THSD7B: variants seen among roughly 807,000 people sequenced by gnomAD.
THSD7B encodes the protein thrombospondin type-1 domain-containing protein 7B.
A neutral mutation model predicts 213.6 loss-of-function variants in THSD7B; 138 were observed. The ratio of observed to expected loss-of-function variants is 0.65; its 90% CI spans 0.56 to 0.74. The LOEUF (loss-of-function observed/expected upper bound fraction) is 0.74, where lower values mean the gene tolerates loss of function less well. Ranked by LOEUF, THSD7B falls within the 30% of genes least tolerant of loss-of-function variation. The pLI is 0.00. For synonymous variants in THSD7B, 742 were observed against 687.0 expected, an observed-to-expected ratio of 1.08 and a Z score of -1.25; for missense variants, 1,931 against 1,991.5, an observed-to-expected ratio of 0.97 and a Z score of 0.58.
At chr2:137,134,281 A>G (rs1027730010) in intron 5 of THSD7B, among the ~76,000 whole-genome samples, 1 of 152,188 alleles carries the variant, frequency 6.6e-6, no homozygotes. Context: ...GCAAGTCAGC[A>G]TTCCTAACAC....
At position 137,136,233 on chromosome 2, in the gene THSD7B, G is replaced by A. The variant is rs1056744423; in HGVS notation, c.1369+20940G>A. ...TTGATGGGTGGAGCAAAACCACCAA[G>A]GCACATGTATGCCTGTGTAACAAAC... On this transcript the variant is annotated intron_variant, in intron 5 of 27. Coordinates refer to ENST00000409968, the MANE Select transcript of THSD7B (RefSeq NM_001316349.2). 2.6e-5 allele frequency among the ~76,000 whole-genome samples: 4 copies of A among 152,200 alleles called. No homozygotes were observed. The East Asian group carries it at 7.7e-4, about 29-fold the overall frequency.
chr2:137,650,500 G>A lies in THSD7B; in HGVS notation c.3946-5001G>A, dbSNP rs1015739326. ...TTTTTGGTAGAGCCTTTAGGTTTTT[G>A]TAAGTATAAGATCATATCATCTGCA... is the stretch of plus-strand genomic sequence containing the variant. On this transcript the variant is annotated intron_variant, in intron 21 of 27. Coordinates refer to ENST00000409968, the MANE Select transcript of THSD7B (RefSeq NM_001316349.2). Among the ~76,000 whole-genome samples the A allele has an allele frequency of 1.7e-4, 26 of 152,188 alleles. 1 individual carries two copies. The East Asian group carries it at 5.0e-3, about 29-fold the overall frequency.
At chr2:137,286,543 G>T (rs1213134016) in intron 12 of THSD7B, among the ~76,000 whole-genome samples, 2 of 152,124 alleles carry the variant, frequency 1.3e-5, no homozygotes, top group Non-Finnish European at 2.9e-5. Flanking sequence ...TAACGTTTGA[G>T]CTGCAGTTTT....
chr2:137,198,302 G>C (rs764156669), intron 7 of THSD7B, among the ~76,000 whole-genome samples: 3 of 151,974 alleles, frequency 2.0e-5, no homozygotes, highest in Non-Finnish European at 2.9e-5. Flanking sequence ...ACATGAGAGT[G>C]GTATTTTCTC....
intron 12 of THSD7B, among the ~76,000 whole-genome samples, chr2:137,326,632 C>T (rs1163450570): frequency 6.6e-6 from 1 of 152,162 alleles, no homozygotes; most frequent in African/African-American, 2.4e-5. Flanking sequence ...TACTGTCTTT[C>T]ATAGTAACAA....
At chr2:137,160,441 A>G in intron 6 of THSD7B, 73 bp downstream of exon 6, 1 of 1,547,172 alleles carries the variant, frequency 6.5e-7, no homozygotes, top group African/African-American at 1.4e-5. Flanking sequence ...TAAGTCACTG[A>G]TTAAGCCTGC....
intron 2 of THSD7B, among the ~76,000 whole-genome samples, chr2:137,008,347 A>T (rs10928584): frequency 0.33 from 50,208 of 151,944 alleles, 9,831 homozygotes; most frequent in African/African-American, 0.51. Flanking sequence ...TGAAAAAATT[A>T]AATAAAAATA....
chr2:137,527,306 T>A (rs529268850), intron 15 of THSD7B, among the ~76,000 whole-genome samples: 1 of 152,262 alleles, frequency 6.6e-6, no homozygotes, highest in Non-Finnish European at 1.5e-5. Context: ...TATATGTACA[T>A]ATGTGTGTGT....
intron 17 of THSD7B, among the ~76,000 whole-genome samples, chr2:137,586,731 G>T (rs1182184314): frequency 6.6e-6 from 1 of 152,162 alleles, no homozygotes; most frequent in Non-Finnish European, 1.5e-5. Flanking sequence ...GCTTCCCTTT[G>T]TGGGTAACCC....
chr2:137,578,145 T>G (rs1681500232), intron 17 of THSD7B, among the ~76,000 whole-genome samples: 1 of 152,180 alleles, frequency 6.6e-6, no homozygotes, highest in African/African-American at 2.4e-5. Context: ...TAGAGGCACT[T>G]TCTGAATGGT....
At chr2:137,636,611 C>T (rs937233566) in intron 20 of THSD7B, among the ~76,000 whole-genome samples, 3 of 152,038 alleles carry the variant, frequency 2.0e-5, no homozygotes, top group African/African-American at 4.8e-5. Context: ...AATTTAATTC[C>T]CATTTAAAAT....
rs77706235 is a variant in THSD7B at position 137,234,303 on chromosome 2, C to T, written c.2150+1170C>T. Among the ~76,000 whole-genome samples the T allele has an allele frequency of 1.2e-4, 18 of 152,214 alleles. No individual in the cohort carries two copies. In the East Asian group the frequency reaches 3.1e-3, roughly 26 times the overall value. On this transcript the variant is annotated intron_variant, in intron 9 of 27. Transcript: ENST00000409968. ...ATTTAATTTGTGTTTCTCTCATGGG[C>T]AATGGAAACACTGAAAAATTTCATC...
At chr2:136,846,275 G>A (rs1410482567) in intron 1 of THSD7B, among the ~76,000 whole-genome samples, 2 of 152,012 alleles carry the variant, frequency 1.3e-5, no homozygotes, top group Non-Finnish European at 2.9e-5. Flanking sequence ...CTGGGTTATC[G>A]TACCCTGGGT....
At chr2:137,618,061 A>T (rs965031295) in intron 18 of THSD7B, among the ~76,000 whole-genome samples, 3 of 152,132 alleles carry the variant, frequency 2.0e-5, no homozygotes. Flanking sequence ...TATCCTCAAC[A>T]AATAGTTGAT....
chr2:137,489,115 C>A (rs1688546833), intron 15 of THSD7B, among the ~76,000 whole-genome samples: 1 of 152,066 alleles, frequency 6.6e-6, no homozygotes, highest in Non-Finnish European at 1.5e-5. Context: ...ATAATTTGGT[C>A]TATTGTCTCC....
chr2:137,510,117 A>C (rs906968478), intron 15 of THSD7B, among the ~76,000 whole-genome samples: 2 of 152,126 alleles, frequency 1.3e-5, no homozygotes, highest in African/African-American at 4.8e-5. Flanking sequence ...TTCACATTTA[A>C]TATAGTAATT....
chr2:137,425,496 C>A (rs540382096), intron 14 of THSD7B, among the ~76,000 whole-genome samples: 1 of 152,196 alleles, frequency 6.6e-6, no homozygotes, highest in African/African-American at 2.4e-5. Flanking sequence ...GGATTACAGG[C>A]GTGAGCCCCT....
At chr2:137,578,912 G>T (rs528870307) in intron 17 of THSD7B, among the ~76,000 whole-genome samples, 4 of 152,158 alleles carry the variant, frequency 2.6e-5, no homozygotes, top group Non-Finnish European at 4.4e-5. Flanking sequence ...TAAGTGATCT[G>T]TACAACAACA....
At position 137,425,866 on chromosome 2, in the gene THSD7B, G is replaced by A. The variant is rs930239254; in HGVS notation, c.2959+13994G>A. Among the ~76,000 whole-genome samples the A allele has an allele frequency of 4.6e-5, 7 of 152,146 alleles. No individual in the cohort carries two copies. The South Asian group carries it at 1.2e-3, about 27-fold the overall frequency. The stretch of plus-strand genomic sequence containing the variant: ...AATGATGCAAGCAAATAAGTTAAAG[G>A]CATCAAAAACAGAAAGAAAGAGAAA... On this transcript the variant is annotated intron_variant, in intron 14 of 27. Coordinates refer to ENST00000409968, the MANE Select transcript of THSD7B (RefSeq NM_001316349.2).
Sources: gnomAD v4.1 joint callset for allele counts (sites outside exome capture counted in the v4.1 genomes callset) on GRCh38, gnomAD v4.1.1 for gene constraint, MANE v1.5 for transcripts, NCBI Gene and HGNC (gene_info 2026-07-23, HGNC 2026-07-21) for gene names.